KIAA0319: variants seen among roughly 807,000 people sequenced by gnomAD.
The protein encoded by KIAA0319 is KIAA0319, also known as dyslexia-associated protein KIAA0319.
A neutral mutation model predicts 108.4 loss-of-function variants in KIAA0319; 83 were observed. That is an observed-to-expected ratio of 0.77 (90% CI 0.64 to 0.92). KIAA0319 has a LOEUF of 0.92. Among genes scored for constraint, KIAA0319 ranks in the 40% least tolerant of loss-of-function variants. KIAA0319 has a pLI of 0.00. For missense variants in KIAA0319, 1,195 were observed against 1,322.4 expected, an observed-to-expected ratio of 0.90 and a Z score of 1.49; for synonymous variants, 484 against 510.4, an observed-to-expected ratio of 0.95 and a Z score of 0.70.
Position 24,580,196 on chromosome 6 carries a change from C to T in KIAA0319, c.1280-246G>A, listed in dbSNP as rs369082187. On this transcript the variant is annotated intron_variant, in intron 7 of 20. Coordinates refer to ENST00000378214, the MANE Select transcript of KIAA0319 (RefSeq NM_014809.4). The stretch of plus-strand genomic sequence containing the variant: ...CTCAGTGAAGATGTACAATAATAAC[C>T]AAGGGGCTCATCACAGAATGTGAGC... Among the ~76,000 whole-genome samples, 24 of 152,204 alleles carry T rather than the reference C, an allele frequency of 1.6e-4. No individual in the cohort carries two copies. In the East Asian group the frequency reaches 4.2e-3, roughly 27 times the overall value.
intron 1 of KIAA0319, among the ~76,000 whole-genome samples, chr6:24,624,872 A>G (rs1245013772): frequency 1.3e-5 from 2 of 152,252 alleles, no homozygotes; most frequent in African/African-American, 4.8e-5. Flanking sequence ...GCGGTGCCAC[A>G]TGATCCTGTC....
chr6:24,562,418 T>C (rs1763231123), intron 16 of KIAA0319, among the ~76,000 whole-genome samples: 2 of 152,238 alleles, frequency 1.3e-5, no homozygotes, highest in South Asian at 4.1e-4. Context: ...TTCAGTTCTC[T>C]GGAAAACTAA....
chr6:24,556,693 T>C lies in KIAA0319; in HGVS notation c.2771A>G (p.Asp924Gly), dbSNP rs770094776. ...GCAAATGCAGCGCTTTGTGAGGGGGTCGCAGTGACCATGGCCAGAACACTT... is the reference window on the plus strand; with the variant it reads ...GCAAATGCAGCGCTTTGTGAGGGGGCCGCAGTGACCATGGCCAGAACACTT... ...LLKCSGHGHC[D>G]PLTKRCICSH... The change falls in exon 18 of 21, where the codon GAC becomes GGC. Residue 924 changes from aspartate (D) to glycine (G), a missense_variant. Asp to Gly is a moderately conservative substitution (Grantham distance 94). Transcript: ENST00000378214. 1 of 1,613,608 alleles carries C rather than the reference T, an allele frequency of 6.2e-7. No homozygotes were observed.
At chr6:24,551,569 T>A in intron 19 of KIAA0319, 44 bp from the exon 20 acceptor site, 1 of 1,313,106 alleles carries the variant, frequency 7.6e-7, no homozygotes, top group Non-Finnish European at 1.1e-6. Flanking sequence ...TTTAGAAAGG[T>A]AACTGAGAGC....
At chr6:24,643,377 A>G (rs1777210411) in intron 1 of KIAA0319, among the ~76,000 whole-genome samples, 1 of 152,184 alleles carries the variant, frequency 6.6e-6, no homozygotes, top group Admixed American at 6.6e-5. Context: ...CTTTGACACT[A>G]CACAATATAT....
chr6:24,568,660 C>T (rs1299130295), intron 13 of KIAA0319, 121 bp downstream of exon 13: 6 of 989,586 alleles, frequency 6.1e-6, no homozygotes, highest in Admixed American at 2.5e-5. Flanking sequence ...AGGCAGGGTT[C>T]GGCATCTGCT....
intron 19 of KIAA0319, 46 bp from the exon 20 acceptor site, chr6:24,551,571 A>G (rs1324209459): frequency 7.7e-7 from 1 of 1,294,282 alleles, no homozygotes; most frequent in African/African-American, 1.5e-5. Context: ...TAGAAAGGTA[A>G]CTGAGAGCTA....
At chr6:24,631,179 G>A (rs1294285851) in intron 1 of KIAA0319, among the ~76,000 whole-genome samples, 3 of 152,230 alleles carry the variant, frequency 2.0e-5, no homozygotes, top group African/African-American at 7.2e-5. Flanking sequence ...GGCAGCTAGG[G>A]AAGTTCTCCT....
At position 24,579,676 on chromosome 6, in the gene KIAA0319, G is replaced by A. The variant is rs111548071; in HGVS notation, c.1372+182C>T. Among the ~76,000 whole-genome samples, 1,173 of 151,662 alleles carry A rather than the reference G, an allele frequency of 7.7e-3. 24 individuals are homozygous for A. The highest frequency in any genetic ancestry group is 0.027 in the African/African-American group (1,108 of 41,306). ...TCTAATAGAATAGACGAAAGGTGAAGGGAAAATAAGCACAGGATAGAGGAG... is the reference window on the plus strand; with the variant it reads ...TCTAATAGAATAGACGAAAGGTGAAAGGAAAATAAGCACAGGATAGAGGAG... On this transcript the variant is annotated intron_variant, in intron 8 of 20. Coordinates refer to ENST00000378214, the MANE Select transcript of KIAA0319 (RefSeq NM_014809.4).
At chr6:24,601,229 A>G (rs1770581260) in intron 1 of KIAA0319, 21 bp from the exon 2 acceptor site, 1 of 1,529,778 alleles carries the variant, frequency 6.5e-7, no homozygotes, top group South Asian at 1.3e-5. Context: ...AAAACATAAA[A>G]GAGGAAGGAA....
intron 5 of KIAA0319, among the ~76,000 whole-genome samples, chr6:24,582,788 G>C (rs916807935): frequency 6.6e-6 from 1 of 151,910 alleles, no homozygotes; most frequent in Non-Finnish European, 1.5e-5. Context: ...TTTAACAAAA[G>C]GCAAGGAGAT....
chr6:24,576,317 T>TAGACAGAG, intron 10 of KIAA0319, 51 bp downstream of exon 10: 1 of 1,442,322 alleles, frequency 6.9e-7, no homozygotes, highest in Non-Finnish European at 9.7e-7. Context: ...CATAGCTAGG[T>TAGACAGAG]AGACAGACAG....
intron 3 of KIAA0319, among the ~76,000 whole-genome samples, chr6:24,595,558 A>AAAAC (rs1554164822): frequency 1.3e-5 from 2 of 148,172 alleles, no homozygotes; most frequent in African/African-American, 2.5e-5. Context: ...AAAAAAAAAA[A>AAAAC]AAAAAAAAAA....
chr6:24,621,496 G>T (rs569438770), intron 1 of KIAA0319, among the ~76,000 whole-genome samples: 7 of 152,192 alleles, frequency 4.6e-5, no homozygotes, highest in African/African-American at 1.7e-4. Context: ...AATCTATCTG[G>T]GAGGAAATTG....
intron 1 of KIAA0319, among the ~76,000 whole-genome samples, chr6:24,625,242 A>T (rs950148508): frequency 6.6e-5 from 10 of 152,220 alleles, no homozygotes; most frequent in Non-Finnish European, 1.3e-4. Context: ...ATACAGTATA[A>T]ATTTACATGA....
At chr6:24,571,000 G>A (rs1030042205) in intron 11 of KIAA0319, among the ~76,000 whole-genome samples, 12 of 151,912 alleles carry the variant, frequency 7.9e-5, no homozygotes, top group African/African-American at 2.9e-4. Flanking sequence ...GACCAGCCTG[G>A]CCAACGTGGC....
rs1771646552 is a variant in KIAA0319, at chr6:24,607,811, T to C, written c.-105-6603A>G. ...AAAATGAATGCTTAAGTATGCATTT[T>C]AAATAAAAATATGTTCCTTTAGTTA... On this transcript the variant is annotated intron_variant, in intron 1 of 20. Coordinates refer to ENST00000378214, the MANE Select transcript of KIAA0319 (RefSeq NM_014809.4). 2.0e-5 allele frequency among the ~76,000 whole-genome samples: 3 copies of C among 152,338 alleles called. No homozygotes were observed. The East Asian group carries it at 5.8e-4, about 29-fold the overall frequency.
chr6:24,592,843 T>C (rs1768726699), intron 3 of KIAA0319, among the ~76,000 whole-genome samples: 1 of 152,088 alleles, frequency 6.6e-6, no homozygotes, highest in African/African-American at 2.4e-5. Flanking sequence ...TGGTGGCACA[T>C]GCCTGTAGTC....
intron 12 of KIAA0319, among the ~76,000 whole-genome samples, chr6:24,569,226 C>T (rs990190085): frequency 6.6e-6 from 1 of 152,150 alleles, no homozygotes; most frequent in Non-Finnish European, 1.5e-5. Flanking sequence ...AGAAACGACT[C>T]CCATTTCTTC....
Sources: gnomAD v4.1 joint callset for allele counts (sites outside exome capture counted in the v4.1 genomes callset) on GRCh38, gnomAD v4.1.1 for gene constraint, MANE v1.5 for transcripts, NCBI Gene and HGNC (gene_info 2026-07-23, HGNC 2026-07-21) for gene names.